Variants in NOP58 observed in about 807,000 individuals in gnomAD.
NOP58 encodes the protein nucleolar protein 58.
In NOP58, 44 loss-of-function variants were observed where a neutral mutation model predicts 71.2. The observed-to-expected ratio is 0.62, with a 90% CI of 0.49 to 0.79. The LOEUF is 0.79. Among genes scored for constraint, NOP58 ranks in the 30% least tolerant of loss-of-function variants. NOP58 has a pLI of 0.00. For synonymous variants in NOP58, 228 were observed against 200.3 expected (o/e 1.14, Z -1.17); for missense variants, 538 against 620.2 (o/e 0.87, Z 1.41).
chr2:202,297,594 C>A, intron 11 of NOP58, 81 bp downstream of exon 11: 3 of 1,393,472 alleles, frequency 2.2e-6, no homozygotes, highest in South Asian at 1.3e-5. Context: ...ACTTCATCTG[C>A]TAAACAGTTT....
intron 13 of NOP58, among the ~76,000 whole-genome samples, chr2:202,300,910 A>G (rs913430659): frequency 2.6e-5 from 4 of 152,214 alleles, no homozygotes; most frequent in East Asian, 1.9e-4. Context: ...TAGCAAGTCT[A>G]GCAGAAGAGT....
At chr2:202,300,088 T>C in intron 12 of NOP58, 146 bp from the exon 13 acceptor site, 1 of 664,158 alleles carries the variant, frequency 1.5e-6, no homozygotes, top group Non-Finnish European at 2.5e-6. Context: ...ACTATTAGTC[T>C]TCATAAACTA....
At chr2:202,275,989 T>C (rs1688583877) in intron 2 of NOP58, among the ~76,000 whole-genome samples, 1 of 152,094 alleles carries the variant, frequency 6.6e-6, no homozygotes, top group Non-Finnish European at 1.5e-5. Context: ...TATTTGTATG[T>C]ATATTTAAGG....
rs546963493 is a variant in NOP58, at chr2:202,297,986, C to G, written c.1268+80C>G. 125 of 823,902 alleles carry G rather than the reference C, an allele frequency of 1.5e-4. No individual in the cohort carries two copies. In the African/African-American group the frequency reaches 1.8e-3, roughly 12 times the overall value. The allele number at this position is 823,902 out of a possible 1,614,324, so 51.0% of individuals were successfully genotyped here. A position where few individuals can be genotyped will look rare whatever the true frequency, so the allele number is the denominator to read the frequency against. On this transcript the variant is annotated intron_variant, in intron 12 of 14. Coordinates refer to ENST00000264279, the MANE Select transcript of NOP58 (RefSeq NM_015934.5). The stretch of plus-strand genomic sequence containing the variant: ...GACAGTAATTTTTTATTGTAAACTT[C>G]ACCTTGATGTGCCCATAGTTTTTTC...
chr2:202,302,083 C>CTTTTTTTTTTTT (rs71031885), intron 13 of NOP58, among the ~76,000 whole-genome samples: 520 of 90,578 alleles, frequency 5.7e-3, no homozygotes, highest in Non-Finnish European at 6.7e-3. Context: ...TTTTTTTTTT[C>CTTTTTTTTTTTT]TTTTTTTTTT....
At chr2:202,284,967 G>A (rs1411502502) in intron 5 of NOP58, among the ~76,000 whole-genome samples, 1 of 152,132 alleles carries the variant, frequency 6.6e-6, no homozygotes, top group African/African-American at 2.4e-5. Flanking sequence ...CTCTTTGGGA[G>A]ACCAGGAGTT....
chr2:202,287,938 C>CT (rs990395142), intron 6 of NOP58, among the ~76,000 whole-genome samples: 15 of 152,216 alleles, frequency 9.9e-5, no homozygotes, highest in Admixed American at 6.5e-4. Flanking sequence ...TGACAAAACT[C>CT]TGTCTTTACT....
intron 1 of NOP58, 76 bp downstream of exon 1, chr2:202,266,062 G>C: frequency 1.3e-6 from 2 of 1,531,968 alleles, no homozygotes; most frequent in Non-Finnish European, 1.8e-6. Flanking sequence ...CTTAAGCACG[G>C]AACTACTCAG....
chr2:202,276,199 G>A (rs1559260368), intron 2 of NOP58, among the ~76,000 whole-genome samples: 1 of 151,886 alleles, frequency 6.6e-6, no homozygotes, highest in African/African-American at 2.4e-5. Flanking sequence ...TTAGCCGGGC[G>A]TGGTGGCACA....
intron 9 of NOP58, 102 bp downstream of exon 9, chr2:202,293,005 T>C (rs371535224): frequency 8.0e-7 from 1 of 1,243,762 alleles, no homozygotes; most frequent in African/African-American, 1.5e-5. Flanking sequence ...AAATTTTAGC[T>C]GATAACACAA....
rs748602579 is a variant in NOP58, at chr2:202,284,329, G to A, written c.298-16G>A. 2 of 1,558,208 alleles carry A rather than the reference G, an allele frequency of 1.3e-6. No homozygotes were observed. The highest frequency in any genetic ancestry group is 1.7e-6 in the Non-Finnish European group (2 of 1,145,240). The stretch of plus-strand genomic sequence containing the variant: ...TTTTTTTTTTTAATTTAATATAGAT[G>A]TTCATGTTCTTGTAGGAAAAGCTGA... On this transcript the variant is annotated splice_polypyrimidine_tract_variant and intron_variant, in intron 4 of 14. Coordinates refer to ENST00000264279, the MANE Select transcript of NOP58 (RefSeq NM_015934.5).
rs1340052690 is a variant in NOP58, at chr2:202,282,428, G to A, written c.253G>A (p.Glu85Lys). The change falls in exon 4 of 15, where the codon GAA (glutamate) becomes AAA (lysine). Residue 85 changes from glutamate (E) to lysine (K), a missense_variant. Physicochemically the swap from Glu to Lys is moderately conservative, Grantham distance 56 (BLOSUM62 1). Coordinates refer to ENST00000264279, the MANE Select transcript of NOP58 (RefSeq NM_015934.5). Reference sequence around the variant, plus strand: ...GAAGAAAATAGTAAAAGAAGCCCATGAACCGCTGGCAGTAGCTGATGCTAA... The same window carrying A: ...GAAGAAAATAGTAAAAGAAGCCCATAAACCGCTGGCAGTAGCTGATGCTAA... ...VLKKIVKEAH[E>K]PLAVADAKLG... is the part of the protein sequence containing the mutation. The A allele has an allele frequency of 6.2e-7, 1 of 1,612,950 alleles. No homozygotes were observed. The highest frequency in any genetic ancestry group is 1.7e-5 in the Admixed American group (1 of 59,676).
chr2:202,274,789 C>T (rs1688564051), intron 1 of NOP58, among the ~76,000 whole-genome samples: 1 of 151,972 alleles, frequency 6.6e-6, no homozygotes. Context: ...GGTTCCCTGC[C>T]CTACCCCCTA....
chr2:202,300,693 A>G (rs930615465), intron 13 of NOP58, among the ~76,000 whole-genome samples: 9 of 152,240 alleles, frequency 5.9e-5, no homozygotes, highest in Admixed American at 5.2e-4. Context: ...TTTTTGTTTT[A>G]TAGTTAAGAA....
intron 10 of NOP58, 87 bp from the exon 11 acceptor site, chr2:202,297,292 T>C (rs1041149989): frequency 7.9e-7 from 1 of 1,260,436 alleles, no homozygotes; most frequent in African/African-American, 1.5e-5. Flanking sequence ...TTCATAATAG[T>C]TTTATAACTC....
intron 11 of NOP58, 106 bp downstream of exon 11, chr2:202,297,619 G>GT: frequency 8.5e-7 from 1 of 1,171,418 alleles, no homozygotes; most frequent in East Asian, 2.5e-5. Context: ...ATACTTATTA[G>GT]TATGTCTAAA....
At position 202,282,375 on chromosome 2, in the gene NOP58, A is replaced by C; in HGVS notation, c.200A>C (p.Lys67Thr). 1 of 1,612,578 alleles carries C rather than the reference A, an allele frequency of 6.2e-7. No individual in the cohort carries two copies. Among genetic ancestry groups the C allele is most frequent in the Non-Finnish European group, 8.5e-7 (1 of 1,179,712 alleles). ...LAAFTALMEG[K>T]INKQLKKVLK... ...GCATTCACAGCTCTGATGGAGGGCAAAATCAATAAGCAGCTGAAAAAAGTT... is the reference window on the plus strand; with the variant it reads ...GCATTCACAGCTCTGATGGAGGGCACAATCAATAAGCAGCTGAAAAAAGTT... Residue 67 changes from lysine (K) to threonine (T), a missense_variant, in exon 4 of 15, where the codon AAA (lysine) becomes ACA (threonine). Coordinates refer to ENST00000264279, the MANE Select transcript of NOP58 (RefSeq NM_015934.5).
rs556017791 is a variant in NOP58, at chr2:202,293,031, G to A, written c.907+128G>A. On this transcript the variant is annotated intron_variant, in intron 9 of 14. Transcript: ENST00000264279. ...GATAACACAAAAGTAGATGATATGT[G>A]GGAGATCACTAAGGGCCAAGTGTTC... The A allele has an allele frequency of 3.1e-6, 3 of 962,178 alleles. No homozygotes were observed. The South Asian group carries it at 3.9e-5, about 12-fold the overall frequency. The allele number at this position is 962,178 out of a possible 1,614,324, so 59.6% of individuals were successfully genotyped here. A position where few individuals can be genotyped will look rare whatever the true frequency, so the allele number is the denominator to read the frequency against.
chr2:202,266,814 A>G (rs930441111), intron 1 of NOP58, among the ~76,000 whole-genome samples: 7 of 152,216 alleles, frequency 4.6e-5, no homozygotes, highest in Non-Finnish European at 7.3e-5. Context: ...AGGACTGGCT[A>G]ATAGATTGAA....
Sources: gnomAD v4.1 joint callset for allele counts (sites outside exome capture counted in the v4.1 genomes callset) on GRCh38, gnomAD v4.1.1 for gene constraint, MANE v1.5 for transcripts, NCBI Gene and HGNC (gene_info 2026-07-23, HGNC 2026-07-21) for gene names.